ADAMTSL2: variants seen among roughly 807,000 people sequenced by gnomAD.
ADAMTSL2 encodes the protein ADAMTS like 2, also known as ADAMTS-like protein 2.
Under a neutral mutation model 117.0 loss-of-function variants are expected in ADAMTSL2, and 55 were observed. The observed-to-expected ratio is 0.47, with a 90% CI of 0.38 to 0.59. The LOEUF (loss-of-function observed/expected upper bound fraction) is 0.59, where lower values mean the gene tolerates loss of function less well. Ranked by LOEUF, ADAMTSL2 falls within the 20% of genes least tolerant of loss-of-function variation. The pLI, the probability that ADAMTSL2 is intolerant of heterozygous loss-of-function variation, is 0.00. For missense variants in ADAMTSL2, 1,182 were observed against 1,354.5 expected, an observed-to-expected ratio of 0.87 and a Z score of 2.00; for synonymous variants, 572 against 566.4, an observed-to-expected ratio of 1.01 and a Z score of -0.14.
intron 9 of ADAMTSL2, among the ~76,000 whole-genome samples, chr9:133,552,457 T>A (rs897536461): frequency 1.4e-4 from 22 of 152,324 alleles, no homozygotes; most frequent in Non-Finnish European, 2.6e-4. Context: ...CTTGGAGTGG[T>A]CCAGATGCCT....
At chr9:133,574,054 C>T in intron 18 of ADAMTSL2, 67 bp downstream of exon 18, 1 of 1,548,422 alleles carries the variant, frequency 6.5e-7, no homozygotes, top group South Asian at 1.2e-5. Flanking sequence ...GAGTCAGGGC[C>T]TGAGGGGTGA....
intron 17 of ADAMTSL2, among the ~76,000 whole-genome samples, chr9:133,571,053 C>T (rs913688822): frequency 9.9e-5 from 15 of 152,164 alleles, no homozygotes; most frequent in African/African-American, 3.4e-4. Context: ...CCAGAATGCC[C>T]CAGCGTCAGG....
chr9:133,547,218 G>A lies in ADAMTSL2; in HGVS notation c.939+5G>A. On this transcript the variant is annotated splice_donor_5th_base_variant and intron_variant, in intron 9 of 18. Transcript: ENST00000651351. ...AACCAGGGCCTGAATGTCATGGTAC[G>A]TGTGCCGCAGGCCTTGGGGGCCCCA... 5 of 1,612,300 alleles carry A rather than the reference G, an allele frequency of 3.1e-6. No individual in the cohort carries two copies. Among genetic ancestry groups the A allele is most frequent in the Non-Finnish European group, 4.2e-6 (5 of 1,178,788 alleles).
Position 133,561,258 on chromosome 9 carries a change from C to T in ADAMTSL2, c.1710C>T (p.Leu570=). ...VSPADMYRWK[L]SSHEPCSATC... is the part of the protein sequence containing the mutation. ...CCGCGGACATGTACCGGTGGAAGCTCTCGTCCCACGAGCCCTGCAGTGCCA... is the reference window on the plus strand; with the variant it reads ...CCGCGGACATGTACCGGTGGAAGCTTTCGTCCCACGAGCCCTGCAGTGCCA... Residue 570 remains leucine (L), a synonymous_variant, in exon 12 of 19, where the codon CTC becomes CTT. Coordinates refer to ENST00000651351, the MANE Select transcript of ADAMTSL2 (RefSeq NM_014694.4). The T allele has an allele frequency of 6.2e-7, 1 of 1,606,304 alleles. No individual in the cohort carries two copies. The highest frequency in any genetic ancestry group is 8.5e-7 in the Non-Finnish European group (1 of 1,176,976).
chr9:133,535,890 C>T (rs563055618), intron 1 of ADAMTSL2, among the ~76,000 whole-genome samples: 2 of 152,254 alleles, frequency 1.3e-5, no homozygotes, highest in African/African-American at 4.8e-5. Flanking sequence ...GCTGGACAGT[C>T]CCTTCCAATG....
In ADAMTSL2 at chr9:133,544,492, C is replaced by T; in HGVS notation, c.705C>T (p.Ile235=). 1 of 1,614,118 alleles carries T rather than the reference C, an allele frequency of 6.2e-7. No homozygotes were observed. Among genetic ancestry groups the T allele is most frequent in the Non-Finnish European group, 8.5e-7 (1 of 1,179,970 alleles). ...CAGGTTACTCTCTGGTGACCCACAT[C>T]CCGGCTGGTGCCCGAGACATCCAGA... is the stretch of plus-strand genomic sequence containing the variant. The part of the protein sequence containing the change: ...AHLGYSLVTH[I]PAGARDIQIV... Residue 235 remains isoleucine, a synonymous_variant, in exon 8 of 19, where the codon ATC becomes ATT. Coordinates refer to ENST00000651351, the MANE Select transcript of ADAMTSL2 (RefSeq NM_014694.4).
intron 4 of ADAMTSL2, among the ~76,000 whole-genome samples, chr9:133,538,700 A>G (rs1346690281): frequency 6.6e-6 from 1 of 152,022 alleles, no homozygotes; most frequent in Non-Finnish European, 1.5e-5. Context: ...TGCAGCCTCA[A>G]GGTTTGGGGT....
At chr9:133,570,652 T>G in intron 17 of ADAMTSL2, 145 bp downstream of exon 17, 2 of 920,656 alleles carry the variant, frequency 2.2e-6, no homozygotes, top group South Asian at 2.9e-5. Context: ...CGGGAAAGCT[T>G]CTCAACTCCA....
chr9:133,551,625 A>T (rs1480671819), intron 9 of ADAMTSL2, among the ~76,000 whole-genome samples: 4 of 151,596 alleles, frequency 2.6e-5, no homozygotes, highest in Admixed American at 1.3e-4. Flanking sequence ...CTCCAGAACC[A>T]TAGGGTGCTA....
At chr9:133,535,782 G>A (rs1221604804) in intron 1 of ADAMTSL2, among the ~76,000 whole-genome samples, 1 of 152,158 alleles carries the variant, frequency 6.6e-6, no homozygotes, top group African/African-American at 2.4e-5. Context: ...CAGCACCTGA[G>A]CAAGGCCTGG....
In ADAMTSL2 at chr9:133,536,728, C is replaced by T. The variant is rs1446571788; in HGVS notation, c.16C>T (p.Gln6Ter). 1 of 1,614,218 alleles carries T rather than the reference C, an allele frequency of 6.2e-7. No individual in the cohort carries two copies. The highest frequency in any genetic ancestry group is 1.1e-5 in the South Asian group (1 of 91,086). The change falls in exon 2 of 19, where the codon CAA becomes TAA. Residue 6 changes from glutamine to a stop codon, truncating the protein, a stop_gained. Transcript: ENST00000651351. LOFTEE classifies it high-confidence loss of function. MDGRW[Q>*]CSCWAWFLLV... ...GCTTCCTAGGATGGATGGCAGATGG[C>T]AATGTTCCTGCTGGGCCTGGTTCCT... is the stretch of plus-strand genomic sequence containing the variant.
chr9:133,563,390 C>G (rs1379651315), intron 12 of ADAMTSL2, among the ~76,000 whole-genome samples: 1 of 152,208 alleles, frequency 6.6e-6, no homozygotes, highest in Non-Finnish European at 1.5e-5. Flanking sequence ...CTGAGTTCCT[C>G]CACTCTTCCT....
intron 12 of ADAMTSL2, among the ~76,000 whole-genome samples, chr9:133,565,058 G>C (rs1321031016): frequency 2.0e-5 from 3 of 152,166 alleles, no homozygotes; most frequent in African/African-American, 7.2e-5. Flanking sequence ...CAGGTCATAG[G>C]TGGAAGTTTC....
intron 9 of ADAMTSL2, among the ~76,000 whole-genome samples, chr9:133,548,794 C>T (rs1443263409): frequency 1.3e-5 from 2 of 152,186 alleles, no homozygotes; most frequent in East Asian, 3.9e-4. Flanking sequence ...CCACCCCAGG[C>T]AGTTCACCGA....
At chr9:133,541,527 G>A (rs958663837) in intron 7 of ADAMTSL2, among the ~76,000 whole-genome samples, 4 of 152,120 alleles carry the variant, frequency 2.6e-5, no homozygotes, top group African/African-American at 7.2e-5. Context: ...GACCTCGAGC[G>A]ATCCACCCGC....
chr9:133,567,103 G>A, intron 13 of ADAMTSL2, 41 bp downstream of exon 13: 1 of 1,578,562 alleles, frequency 6.3e-7, no homozygotes, highest in Non-Finnish European at 8.6e-7. Flanking sequence ...GTCGGCAGGG[G>A]GCGTGAGGGG....
chr9:133,555,801 C>G lies in ADAMTSL2; in HGVS notation c.1520C>G (p.Pro507Arg). Residue 507 changes from proline to arginine, a missense_variant, in exon 11 of 19, where the codon CCT becomes CGT. Transcript: ENST00000651351. ...VDYEENEGAG[P>R]YLLNGSYLEL... ...TATGAGGAGAACGAGGGGGCTGGCC[C>G]TTACCTGCTCAACGGGTCCTACCTG... The G allele has an allele frequency of 6.2e-7, 1 of 1,613,948 alleles. No homozygotes were observed. Among genetic ancestry groups the G allele is most frequent in the South Asian group, 1.1e-5 (1 of 91,086 alleles).
rs1433062366 is a variant in ADAMTSL2 at position 133,554,106 on chromosome 9, G to A, written c.940-251G>A. 6.6e-6 allele frequency among the ~76,000 whole-genome samples: 1 copy of A among 152,248 alleles called. No homozygotes were observed. The highest frequency in any genetic ancestry group is 1.5e-5 in the Non-Finnish European group (1 of 68,038). Reference sequence around the variant, plus strand: ...GCCTGGAAGACTGTGACGCCTTGTTGCCTGTACCCAGGGTGGGCCACTCCC... The same window carrying A: ...GCCTGGAAGACTGTGACGCCTTGTTACCTGTACCCAGGGTGGGCCACTCCC... On this transcript the variant is annotated intron_variant, in intron 9 of 18. Coordinates refer to ENST00000651351, the MANE Select transcript of ADAMTSL2 (RefSeq NM_014694.4). The surrounding 1 kb of genome is among the most constrained non-coding windows in gnomAD (Gnocchi z 5.2).
Position 133,555,821 on chromosome 9 carries a change from T to A in ADAMTSL2, c.1540T>A (p.Tyr514Asn). ...GAGPYLLNGSYLELSSDRVAN... is the reference protein window; with the variant it reads ...GAGPYLLNGSNLELSSDRVAN... ...TGGCCCTTACCTGCTCAACGGGTCC[T>A]ACCTGGAGCTGAGCAGCGACAGGGT... Residue 514 changes from tyrosine to asparagine, a missense_variant, in exon 11 of 19, where the codon TAC (tyrosine) becomes AAC (asparagine). This residue lies in a region of ADAMTSL2 where 345 missense variants were observed against 325.8 expected (regional missense o/e 1.06). Coordinates refer to ENST00000651351, the MANE Select transcript of ADAMTSL2 (RefSeq NM_014694.4). 6.2e-7 allele frequency: 1 copy of A among 1,613,798 alleles called. No individual in the cohort carries two copies. Among genetic ancestry groups the A allele is most frequent in the East Asian group, 2.2e-5 (1 of 44,882 alleles).
Sources: gnomAD v4.1 joint callset for allele counts (sites outside exome capture counted in the v4.1 genomes callset) on GRCh38, gnomAD v4.1.1 for gene constraint, gnomAD v4.1.1 regional missense constraint, Gnocchi (gnomAD v3.1) non-coding constraint, MANE v1.5 for transcripts, NCBI Gene and HGNC (gene_info 2026-07-23, HGNC 2026-07-21) for gene names.